GPR107: variants seen among roughly 807,000 people sequenced by gnomAD.
The protein encoded by GPR107 is G protein-coupled receptor 107.
In GPR107, 31 loss-of-function variants were observed where a neutral mutation model predicts 75.5. The ratio of observed to expected loss-of-function variants is 0.41; its 90% confidence interval spans 0.31 to 0.55. The LOEUF is 0.55. GPR107 is among the 20% of genes least tolerant of loss of function. The probability of loss-of-function intolerance (pLI) is 0.26; values close to 1 mark genes in which losing one functional copy is unlikely to be tolerated. For missense variants in GPR107, 572 were observed against 665.7 expected (o/e 0.86, Z 1.55); for synonymous variants, 267 against 251.3 (o/e 1.06, Z -0.59).
In GPR107 at chr9:130,110,311, C is replaced by T. The variant is rs374920008; in HGVS notation, c.1306+2772C>T. ...TGTAGTAAAGGGTAACTTCCTTTAA[C>T]AGGAACGCTTTTGTCATGGCCTGGG... On this transcript the variant is annotated intron_variant, in intron 14 of 17. Transcript: ENST00000347136. 3.9e-6 allele frequency: 4 copies of T among 1,016,806 alleles called. No homozygotes were observed. The African/African-American group carries it at 6.3e-5, about 16-fold the overall frequency. The allele number at this position is 1,016,806 out of a possible 1,614,324, so 63.0% of individuals were successfully genotyped here. A position where few individuals can be genotyped will look rare whatever the true frequency, so the allele number is the denominator to read the frequency against.
chr9:130,129,558 C>G (rs996714767), intron 17 of GPR107: 1 of 152,550 alleles, frequency 6.6e-6, no homozygotes, highest in Non-Finnish European at 1.5e-5. Context: ...TGCTCAGCTC[C>G]ACGGCAACAG....
In GPR107 at chr9:130,103,165, A is replaced by G. The variant is rs1048552812; in HGVS notation, c.1132-1255A>G. ...CAGGGCTTCACGAGCAGTGTGGGAC[A>G]GGGAAGGACCCAGAAGCTGGGGGTC... On this transcript the variant is annotated intron_variant, in intron 12 of 17. Transcript: ENST00000347136. The surrounding 1 kb of genome is among the most constrained non-coding windows in gnomAD (Gnocchi z 4.3). Among the ~76,000 whole-genome samples the G allele has an allele frequency of 1.3e-5, 2 of 152,154 alleles. No homozygotes were observed. Among genetic ancestry groups the G allele is most frequent in the African/African-American group, 4.8e-5 (2 of 41,442 alleles).
At chr9:130,072,264 G>A (rs1043176421) in intron 1 of GPR107, among the ~76,000 whole-genome samples, 1 of 150,794 alleles carries the variant, frequency 6.6e-6, no homozygotes, top group Non-Finnish European at 1.5e-5. Context: ...TGTCGCCCAG[G>A]CTGGAGTGCA....
intron 16 of GPR107, 87 bp downstream of exon 16, chr9:130,127,653 T>C: frequency 1.3e-6 from 1 of 766,118 alleles, no homozygotes; most frequent in Admixed American, 2.2e-5. Context: ...TACTAATTTA[T>C]CTGGGAATGA....
intron 12 of GPR107, among the ~76,000 whole-genome samples, chr9:130,101,685 G>C (rs1394345834): frequency 6.6e-6 from 1 of 152,214 alleles, no homozygotes; most frequent in Non-Finnish European, 1.5e-5. Context: ...CATGTTTGGG[G>C]CCGAGGGCCA....
At chr9:130,066,223 C>G (rs754866183) in intron 1 of GPR107, among the ~76,000 whole-genome samples, 1 of 151,980 alleles carries the variant, frequency 6.6e-6, no homozygotes, top group Non-Finnish European at 1.5e-5. Flanking sequence ...CGCTTGAACC[C>G]GGGAGGCAGA....
At chr9:130,106,037 A>G (rs768710467) in intron 13 of GPR107, among the ~76,000 whole-genome samples, 1 of 152,290 alleles carries the variant, frequency 6.6e-6, no homozygotes, top group Non-Finnish European at 1.5e-5. Flanking sequence ...TATCTAACAT[A>G]GGATGTCCAG....
At chr9:130,076,886 G>GTTT (rs201956124) in intron 3 of GPR107, among the ~76,000 whole-genome samples, 15 of 136,112 alleles carry the variant, frequency 1.1e-4, no homozygotes, top group Non-Finnish European at 9.6e-5. Flanking sequence ...GTTTACTTTT[G>GTTT]TTTTTTGTTT....
At chr9:130,102,821 T>C (rs1018925634) in intron 12 of GPR107, among the ~76,000 whole-genome samples, 6 of 152,234 alleles carry the variant, frequency 3.9e-5, no homozygotes, top group Admixed American at 3.3e-4. Context: ...GGTCTCACTC[T>C]GTCGCCCGGG....
At chr9:130,058,706 C>A (rs965544612) in intron 1 of GPR107, among the ~76,000 whole-genome samples, 6 of 152,248 alleles carry the variant, frequency 3.9e-5, no homozygotes, top group Middle Eastern at 3.4e-3. Flanking sequence ...CTCAAGCAGT[C>A]CGCCCGCCTC....
Position 130,135,601 on chromosome 9 carries a change from G to C in GPR107, c.*480G>C, listed in dbSNP as rs144203748. The C allele has an allele frequency of 6.6e-6, 1 of 152,086 alleles. No homozygotes were observed. Among genetic ancestry groups the C allele is most frequent in the Non-Finnish European group, 1.5e-5 (1 of 68,674 alleles). 9.4% of individuals were successfully genotyped at this position (152,086 alleles called of 1,614,324 possible). On this transcript the variant is annotated 3_prime_UTR_variant, in exon 18 of 18. Transcript: ENST00000347136. ...GGGGAGAGTGCCATTGCCTGTTTGG[G>C]AGACAAAAATGAACGAAAACAGGTG...
chr9:130,118,385 A>T (rs1831476164), intron 14 of GPR107, among the ~76,000 whole-genome samples: 1 of 151,968 alleles, frequency 6.6e-6, no homozygotes, highest in Non-Finnish European at 1.5e-5. Flanking sequence ...AGGACAGGGG[A>T]CCACCTAGGG....
chr9:130,087,916 A>G (rs998430548), intron 7 of GPR107, among the ~76,000 whole-genome samples: 2 of 151,950 alleles, frequency 1.3e-5, no homozygotes, highest in African/African-American at 2.4e-5. Flanking sequence ...CACTGTCTCA[A>G]TATTTCTGTG....
chr9:130,102,428 G>T (rs899525019), intron 12 of GPR107, among the ~76,000 whole-genome samples: 1 of 152,192 alleles, frequency 6.6e-6, no homozygotes, highest in African/African-American at 2.4e-5. Context: ...GTGGGGCATA[G>T]CCTTCCAGGA....
chr9:130,096,131 A>G (rs1400194594), intron 9 of GPR107, among the ~76,000 whole-genome samples: 1 of 152,128 alleles, frequency 6.6e-6, no homozygotes, highest in East Asian at 1.9e-4. Context: ...AGATATTCTA[A>G]CCATGGACTG....
At chr9:130,063,028 T>C (rs1829969969) in intron 1 of GPR107, among the ~76,000 whole-genome samples, 1 of 152,230 alleles carries the variant, frequency 6.6e-6, no homozygotes, top group Non-Finnish European at 1.5e-5. Flanking sequence ...GATTTGGTTA[T>C]TTTAATACCA....
chr9:130,071,938 G>A (rs903379797), intron 1 of GPR107, among the ~76,000 whole-genome samples: 6 of 149,960 alleles, frequency 4.0e-5, no homozygotes, highest in Non-Finnish European at 8.9e-5. Flanking sequence ...GTCCGCCGCG[G>A]CCTCCCAAAG....
intron 17 of GPR107, chr9:130,129,055 C>T: frequency 3.9e-6 from 1 of 255,824 alleles, no homozygotes; most frequent in Non-Finnish European, 7.5e-6. Flanking sequence ...ATATACGTGG[C>T]CAGTTCACGA....
intron 1 of GPR107, among the ~76,000 whole-genome samples, chr9:130,057,640 G>A (rs184928027): frequency 6.6e-6 from 1 of 151,720 alleles, no homozygotes; most frequent in East Asian, 1.9e-4. Flanking sequence ...GGCTGATTCT[G>A]CCTCATCCCA....
Sources: allele counts gnomAD v4.1 joint callset (sites outside exome capture counted in the v4.1 genomes callset), GRCh38; gene constraint gnomAD v4.1.1; non-coding constraint Gnocchi (gnomAD v3.1); transcripts MANE v1.5; gene names NCBI Gene and HGNC (gene_info 2026-07-23, HGNC 2026-07-21).